The following ZFPM2 variants were observed in gnomAD, a reference collection of about 807,000 sequenced individuals.
ZFPM2 encodes the protein zinc finger protein ZFPM2.
In ZFPM2, 20 loss-of-function variants were observed where a neutral mutation model predicts 98.6. That is an observed-to-expected ratio of 0.20 (90% confidence interval 0.14 to 0.29). The LOEUF is 0.29. Among genes scored for constraint, ZFPM2 ranks in the 10% least tolerant of loss-of-function variants. The probability of loss-of-function intolerance (pLI) is 1.00; values close to 1 mark genes in which losing one functional copy is unlikely to be tolerated. For missense variants in ZFPM2, 1,310 were observed against 1,388.6 expected (o/e 0.94, Z 0.90); for synonymous variants, 518 against 502.7 (o/e 1.03, Z -0.41).
chr8:105,352,891 G>A (rs1054644498), intron 1 of ZFPM2, among the ~76,000 whole-genome samples: 3 of 151,876 alleles, frequency 2.0e-5, no homozygotes, highest in Non-Finnish European at 2.9e-5. Flanking sequence ...CTACCTATTC[G>A]TCTATACCAG....
chr8:105,615,048 T>A (rs533258102), intron 4 of ZFPM2, among the ~76,000 whole-genome samples: 1 of 152,232 alleles, frequency 6.6e-6, no homozygotes, highest in African/African-American at 2.4e-5. Flanking sequence ...AAAAAGGAAA[T>A]TGTTCCATGT....
intron 5 of ZFPM2, among the ~76,000 whole-genome samples, chr8:105,685,280 T>G (rs1049243683): frequency 3.7e-4 from 56 of 152,226 alleles, no homozygotes; most frequent in African/African-American, 1.3e-3. Context: ...CCACATGTAA[T>G]TAGTGGCTAA....
intron 3 of ZFPM2, among the ~76,000 whole-genome samples, chr8:105,468,270 T>C (rs77935670): frequency 0.067 from 10,119 of 152,094 alleles, 1,158 homozygotes; most frequent in African/African-American, 0.23. Context: ...CTCTTTGCTC[T>C]TAGAGTTCCT....
chr8:105,565,152 C>A (rs1179498999), intron 4 of ZFPM2, among the ~76,000 whole-genome samples: 1 of 152,088 alleles, frequency 6.6e-6, no homozygotes, highest in Non-Finnish European at 1.5e-5. Context: ...CTTTTTATAT[C>A]TTTCAAGTCC....
chr8:105,486,659 A>G (rs1327075787), intron 3 of ZFPM2, among the ~76,000 whole-genome samples: 1 of 152,172 alleles, frequency 6.6e-6, no homozygotes, highest in East Asian at 1.9e-4. Flanking sequence ...GATTTTTTTA[A>G]CTGAATTGGG....
chr8:105,751,849 G>C (rs1409707038), intron 5 of ZFPM2, among the ~76,000 whole-genome samples: 1 of 151,640 alleles, frequency 6.6e-6, no homozygotes, highest in East Asian at 1.9e-4. Flanking sequence ...TTTTGAAGCT[G>C]CATTCTTGCT....
intron 1 of ZFPM2, among the ~76,000 whole-genome samples, chr8:105,370,312 T>G (rs1410552468): frequency 6.6e-6 from 1 of 152,184 alleles, no homozygotes; most frequent in Non-Finnish European, 1.5e-5. Flanking sequence ...GATAGACATT[T>G]TTTAAGGGAG....
At chr8:105,739,781 C>A (rs1447366486) in intron 5 of ZFPM2, among the ~76,000 whole-genome samples, 1 of 151,812 alleles carries the variant, frequency 6.6e-6, no homozygotes, top group Non-Finnish European at 1.5e-5. Flanking sequence ...TCTTTCAAGT[C>A]ATCTTAGGAG....
rs1812843552 is a variant in ZFPM2, at chr8:105,468,863, A to G, written c.301+24482A>G. Among the ~76,000 whole-genome samples, 3 of 152,186 alleles carry G rather than the reference A, an allele frequency of 2.0e-5. No individual in the cohort carries two copies. In the South Asian group the frequency reaches 6.2e-4, roughly 31 times the overall value. Reference sequence around the variant, plus strand: ...TATTTATTCCCCAATAACCTTGTATAGAAATCTCCACAATAGTTGTTCTAA... The same window carrying G: ...TATTTATTCCCCAATAACCTTGTATGGAAATCTCCACAATAGTTGTTCTAA... On this transcript the variant is annotated intron_variant, in intron 3 of 7. Coordinates refer to ENST00000407775, the MANE Select transcript of ZFPM2 (RefSeq NM_012082.4).
chr8:105,342,183 T>A (rs2129668084), intron 1 of ZFPM2, among the ~76,000 whole-genome samples: 1 of 152,146 alleles, frequency 6.6e-6, no homozygotes, highest in South Asian at 2.1e-4. Context: ...TAAAGAAACC[T>A]GTTTCATATT....
chr8:105,580,003 C>G (rs1480339975), intron 4 of ZFPM2, among the ~76,000 whole-genome samples: 1 of 152,174 alleles, frequency 6.6e-6, no homozygotes, highest in Non-Finnish European at 1.5e-5. Context: ...CCTATCTCTT[C>G]ATCTGGTGTT....
chr8:105,400,957 C>CT (rs201378567), intron 1 of ZFPM2, among the ~76,000 whole-genome samples: 35 of 147,688 alleles, frequency 2.4e-4, no homozygotes, highest in African/African-American at 6.2e-4. Context: ...TCTAGGGAGT[C>CT]TTTTTTTTTT....
chr8:105,543,233 C>A (rs1370878342), intron 3 of ZFPM2, among the ~76,000 whole-genome samples: 1 of 152,180 alleles, frequency 6.6e-6, no homozygotes, highest in East Asian at 1.9e-4. Flanking sequence ...CTCCTGTAAT[C>A]CCAGCATTTT....
At chr8:105,731,598 G>T (rs1297454266) in intron 5 of ZFPM2, among the ~76,000 whole-genome samples, 5 of 151,556 alleles carry the variant, frequency 3.3e-5, no homozygotes, top group African/African-American at 1.2e-4. Flanking sequence ...TTGTTGCTAG[G>T]TTAACATCTT....
intron 5 of ZFPM2, among the ~76,000 whole-genome samples, chr8:105,682,068 C>T (rs1475909097): frequency 6.6e-6 from 1 of 152,062 alleles, no homozygotes. Context: ...GAAAGTTTCA[C>T]AAATGACGTA....
At chr8:105,796,766 C>T (rs528633375) in intron 6 of ZFPM2, 6 of 152,262 alleles carry the variant, frequency 3.9e-5, no homozygotes, top group African/African-American at 9.6e-5. Flanking sequence ...GTATTTCTTA[C>T]AGAAATATCA....
rs866276579 is a variant in ZFPM2, at chr8:105,612,926, G to C, written c.421-21320G>C. ...CATTTTCCTGGCTTCTAATTCGTGGGGGAAACTTGGATTATCATTTACTTG... is the reference window on the plus strand; with the variant it reads ...CATTTTCCTGGCTTCTAATTCGTGGCGGAAACTTGGATTATCATTTACTTG... On this transcript the variant is annotated intron_variant, in intron 4 of 7. Coordinates refer to ENST00000407775, the MANE Select transcript of ZFPM2 (RefSeq NM_012082.4). Among the ~76,000 whole-genome samples the C allele has an allele frequency of 3.3e-5, 5 of 152,222 alleles. No individual in the cohort carries two copies. The South Asian group carries it at 1.0e-3, about 32-fold the overall frequency.
intron 1 of ZFPM2, among the ~76,000 whole-genome samples, chr8:105,415,482 G>A (rs1586355880): frequency 6.6e-6 from 1 of 151,968 alleles, no homozygotes; most frequent in African/African-American, 2.4e-5. Context: ...GAGCTCGGTC[G>A]TGAGCCTTTT....
intron 1 of ZFPM2, among the ~76,000 whole-genome samples, chr8:105,384,737 C>T (rs2129897364): frequency 6.6e-6 from 1 of 152,326 alleles, no homozygotes; most frequent in East Asian, 1.9e-4. Flanking sequence ...CAGATGCCTT[C>T]TCACCGAGCT....
Sources: gnomAD v4.1 joint callset for allele counts (sites outside exome capture counted in the v4.1 genomes callset) on GRCh38, gnomAD v4.1.1 for gene constraint, MANE v1.5 for transcripts, NCBI Gene and HGNC (gene_info 2026-07-23, HGNC 2026-07-21) for gene names.